The following SETBP1 variants were observed in gnomAD, a reference collection of about 807,000 sequenced individuals.
SETBP1 encodes SET-binding protein.
A neutral mutation model predicts 101.0 loss-of-function variants in SETBP1; 9 were observed. That is an observed-to-expected ratio of 0.09 (90% confidence interval 0.05 to 0.16). The LOEUF is 0.16. Among genes scored for constraint, SETBP1 ranks in the 10% least tolerant of loss-of-function variants. The pLI is 1.00. For synonymous variants in SETBP1, 818 were observed against 788.5 expected (o/e 1.04, Z -0.63); for missense variants, 1,858 against 2,033.8 (o/e 0.91, Z 1.66).
At chr18:44,801,497 G>A (rs2071607411) in intron 2 of SETBP1, among the ~76,000 whole-genome samples, 1 of 152,118 alleles carries the variant, frequency 6.6e-6, no homozygotes, top group African/African-American at 2.4e-5. Flanking sequence ...GTTGAAGTGT[G>A]ACATGAGTAC....
At chr18:44,702,359 T>G (rs1159484034) in intron 2 of SETBP1, among the ~76,000 whole-genome samples, 5 of 152,186 alleles carry the variant, frequency 3.3e-5, no homozygotes, top group Non-Finnish European at 5.9e-5. Context: ...TCATCTGTAC[T>G]TATCTACTCG....
chr18:44,912,301 T>A (rs2070328187), intron 3 of SETBP1, among the ~76,000 whole-genome samples: 1 of 152,188 alleles, frequency 6.6e-6, no homozygotes. Context: ...GAATTTTACT[T>A]GATTCTCCTA....
chr18:44,746,963 A>T (rs1349032661), intron 2 of SETBP1, among the ~76,000 whole-genome samples: 1 of 152,216 alleles, frequency 6.6e-6, no homozygotes, highest in Non-Finnish European at 1.5e-5. Context: ...CACCTAAGTT[A>T]TATTGAACCA....
chr18:44,704,817 T>C (rs374104944), intron 2 of SETBP1, among the ~76,000 whole-genome samples: 25 of 152,352 alleles, frequency 1.6e-4, no homozygotes, highest in African/African-American at 6.0e-4. Flanking sequence ...GGATGAGATT[T>C]CGTAAGCAAC....
At chr18:45,047,291 C>T (rs1046043947) in intron 5 of SETBP1, among the ~76,000 whole-genome samples, 2 of 152,132 alleles carry the variant, frequency 1.3e-5, no homozygotes, top group African/African-American at 4.8e-5. Flanking sequence ...TTAAGATACT[C>T]ATTTTATATC....
intron 4 of SETBP1, among the ~76,000 whole-genome samples, chr18:44,973,949 A>G (rs920048191): frequency 2.0e-5 from 3 of 152,208 alleles, no homozygotes; most frequent in African/African-American, 4.8e-5. Context: ...GTCAGACTGT[A>G]GTCCAGAACC....
intron 2 of SETBP1, among the ~76,000 whole-genome samples, chr18:44,840,563 C>G (rs1367988784): frequency 6.6e-6 from 1 of 152,194 alleles, no homozygotes; most frequent in Non-Finnish European, 1.5e-5. Context: ...AAATACACTT[C>G]TTTGTCTTGG....
rs114948561 is a variant in SETBP1 at position 44,922,802 on chromosome 18, G to A, written c.541-27079G>A. ...AAAGGGGCACAGCATCTGTAGCAAG[G>A]AAATCTAATTACATGGCGCAGGTTC... On this transcript the variant is annotated intron_variant, in intron 3 of 5. Transcript: ENST00000649279. 1.5e-3 allele frequency among the ~76,000 whole-genome samples: 235 copies of A among 152,302 alleles called. 1 individual carries two copies. The highest frequency in any genetic ancestry group is 5.1e-3 in the African/African-American group (214 of 41,570).
chr18:44,729,979 T>G (rs1004510532), intron 2 of SETBP1, among the ~76,000 whole-genome samples: 2 of 152,162 alleles, frequency 1.3e-5, no homozygotes, highest in Non-Finnish European at 2.9e-5. Flanking sequence ...GAAACTGTCA[T>G]GTAGACTAAT....
At chr18:44,809,573 T>G (rs2071815708) in intron 2 of SETBP1, among the ~76,000 whole-genome samples, 1 of 152,168 alleles carries the variant, frequency 6.6e-6, no homozygotes, top group Non-Finnish European at 1.5e-5. Flanking sequence ...GCCTTTAGTA[T>G]TTTTCTGGAT....
Position 44,701,771 on chromosome 18 carries a change from C to T in SETBP1, c.425C>T (p.Ser142Phe). 6.2e-7 allele frequency: 1 copy of T among 1,614,048 alleles called. No homozygotes were observed. The highest frequency in any genetic ancestry group is 8.5e-7 in the Non-Finnish European group (1 of 1,179,972). Residue 142 changes from serine to phenylalanine, a missense_variant, in exon 2 of 6, where the codon TCC (serine) becomes TTC (phenylalanine). Physicochemically the swap from Ser to Phe is radical, Grantham distance 155. Around this residue, in one of 12 missense-constraint regions of SETBP1, gnomAD observed 581 missense variants for 535.1 expected, o/e 1.09. Coordinates refer to ENST00000649279, the MANE Select transcript of SETBP1 (RefSeq NM_015559.3). ...TIKQSGDQKV[S>F]RAGKNSKATK... The stretch of plus-strand genomic sequence containing the variant: ...AAGCAGTCTGGGGACCAGAAGGTGT[C>T]CCGTGCTGGAAAAAATAGCAAAGCC...
intron 5 of SETBP1, among the ~76,000 whole-genome samples, chr18:45,060,833 T>C (rs115834997): frequency 0.033 from 5,012 of 152,274 alleles, 255 homozygotes; most frequent in African/African-American, 0.11. Flanking sequence ...ACACATAGAG[T>C]GACAATCCAT....
rs34254211 is a variant in SETBP1, at chr18:44,756,216, C to CA, written c.486+54399dup. On this transcript the variant is annotated intron_variant, in intron 2 of 5. Transcript: ENST00000649279. ...TGGGTGGCAGAGTAAGACTCCATGT[C>CA]AAAAAAAAAAAAAAAGAAAAGTTAA... Among the ~76,000 whole-genome samples, 659 of 108,146 alleles carry CA rather than the reference C, an allele frequency of 6.1e-3. 5 individuals are homozygous for CA. The highest frequency in any genetic ancestry group is 0.015 in the Middle Eastern group (3 of 196). The allele number at this position is 108,146 out of a possible 152,430, so 70.9% of individuals were successfully genotyped here. A position where few individuals can be genotyped will look rare whatever the true frequency, so the allele number is the denominator to read the frequency against.
At position 44,862,508 on chromosome 18, in the gene SETBP1, C is replaced by T. The variant is rs186146601; in HGVS notation, c.487-6722C>T. On this transcript the variant is annotated intron_variant, in intron 2 of 5. Transcript: ENST00000649279. ...CCACCCCCGCGGTCTCTACACTACC[C>T]GTCCACTGCCACCCCCACCCCAATG... is the stretch of plus-strand genomic sequence containing the variant. Among the ~76,000 whole-genome samples the T allele has an allele frequency of 8.4e-3, 1,286 of 152,298 alleles. 59 individuals carry two copies. Among genetic ancestry groups the T allele is most frequent in the Admixed American group, 0.077 (1,184 of 15,294 alleles).
intron 2 of SETBP1, among the ~76,000 whole-genome samples, chr18:44,805,085 A>C (rs1191071520): frequency 1.3e-5 from 2 of 152,060 alleles, no homozygotes; most frequent in South Asian, 4.1e-4. Context: ...TTCTCCCAAG[A>C]TCTCAGGCTG....
chr18:45,061,448 A>C (rs2073889404), intron 5 of SETBP1, among the ~76,000 whole-genome samples: 1 of 152,200 alleles, frequency 6.6e-6, no homozygotes, highest in Non-Finnish European at 1.5e-5. Flanking sequence ...TGTAGTCAGA[A>C]GCTCACTCTG....
At chr18:44,698,452 T>C (rs28655276) in intron 1 of SETBP1, among the ~76,000 whole-genome samples, 196 of 152,324 alleles carry the variant, frequency 1.3e-3, no homozygotes, top group African/African-American at 4.3e-3. Context: ...TCACCTCTCA[T>C]AGATTCCCAG....
At chr18:44,704,408 G>A (rs144187375) in intron 2 of SETBP1, among the ~76,000 whole-genome samples, 119 of 152,352 alleles carry the variant, frequency 7.8e-4, no homozygotes, top group Non-Finnish European at 1.5e-3. Flanking sequence ...TCAATGCACA[G>A]TGCTCTTTAT....
chr18:44,915,381 A>G (rs968645881), intron 3 of SETBP1, among the ~76,000 whole-genome samples: 3 of 152,208 alleles, frequency 2.0e-5, no homozygotes, highest in African/African-American at 7.2e-5. Context: ...AAGTCATTCA[A>G]CTAATCAGTG....
Sources: allele counts gnomAD v4.1 joint callset (sites outside exome capture counted in the v4.1 genomes callset), GRCh38; gene constraint gnomAD v4.1.1; regional missense constraint gnomAD v4.1.1; transcripts MANE v1.5; gene names NCBI Gene and HGNC (gene_info 2026-07-23, HGNC 2026-07-21).